Variants in PCMT1 observed in about 807,000 individuals in gnomAD.
PCMT1 encodes protein-L-isoaspartate(D-aspartate) O-methyltransferase.
In PCMT1, 9 loss-of-function variants were observed where a neutral mutation model predicts 29.2. That is an observed-to-expected ratio of 0.31 (90% CI 0.19 to 0.54). The LOEUF is 0.54. PCMT1 is among the 20% of genes least tolerant of loss of function. PCMT1 has a pLI of 0.95. For synonymous variants in PCMT1, 98 were observed against 97.5 expected (o/e 1.00, Z -0.03); for missense variants, 184 against 282.2 (o/e 0.65, Z 2.49).
rs1562398909 is a variant in PCMT1 at position 149,762,956 on chromosome 6, G to GATATATATGATATA, written c.56-8206_56-8205insATATATATGATATA. 7.3e-5 allele frequency among the ~76,000 whole-genome samples: 3 copies of GATATATATGATATA among 40,892 alleles called. 1 individual carries two copies. The South Asian group carries it at 2.2e-3, about 31-fold the overall frequency. The allele number at this position is 40,892 out of a possible 152,430, so 26.8% of individuals were successfully genotyped here. ...TATATGATATATATATCTATGATATGTATATCTATGATATATATGATATAT... is the reference window on the plus strand; with the variant it reads ...TATATGATATATATATCTATGATATGATATATATGATATATATATCTATGATATATATGATATAT... On this transcript the variant is annotated intron_variant, in intron 1 of 7. Transcript: ENST00000464889.
At chr6:149,791,471 A>T (rs1788371282) in intron 4 of PCMT1, among the ~76,000 whole-genome samples, 1 of 152,238 alleles carries the variant, frequency 6.6e-6, no homozygotes, top group Non-Finnish European at 1.5e-5. Context: ...GATTTGAGAA[A>T]TATCGTGCCT....
At chr6:149,809,453 A>C (rs1776105005) in intron 7 of PCMT1, among the ~76,000 whole-genome samples, 1 of 152,090 alleles carries the variant, frequency 6.6e-6, no homozygotes, top group Non-Finnish European at 1.5e-5. Context: ...ATTTGGAAGA[A>C]TATATTAAGA....
At chr6:149,789,066 A>ATGTT (rs1788240930) in intron 3 of PCMT1, among the ~76,000 whole-genome samples, 1 of 90,476 alleles carries the variant, frequency 1.1e-5, no homozygotes, top group African/African-American at 4.9e-5. Context: ...ATTGGATCTG[A>ATGTT]TTTTTTTTTT....
At position 149,790,143 on chromosome 6, in the gene PCMT1, GTTTA is replaced by G. The variant is rs1195967616; in HGVS notation, c.297+89_297+92del. 1.6e-5 allele frequency: 12 copies of G among 758,332 alleles called. No individual in the cohort carries two copies. The South Asian group carries it at 1.7e-4, about 11-fold the overall frequency. 47.0% of individuals were successfully genotyped at this position (758,332 alleles called of 1,614,324 possible). ...TGTTTTTTTAACTAGTGGTTTTCAT[GTTTA>G]TTTGTTTGTTAATTCTATTAGGATA... On this transcript the variant is annotated intron_variant, in intron 4 of 7. Transcript: ENST00000464889.
chr6:149,785,853 C>T, intron 3 of PCMT1, among the ~76,000 whole-genome samples: 1 of 152,250 alleles, frequency 6.6e-6, no homozygotes, highest in East Asian at 1.9e-4. Flanking sequence ...ATCTCTTCCC[C>T]ACCTTTCCCC....
Position 149,793,621 on chromosome 6 carries a change from A to T in PCMT1, c.370A>T (p.Arg124Trp). Residue 124 changes from arginine to tryptophan, a missense_variant, in exon 5 of 8, where the codon AGG (arginine) becomes TGG (tryptophan). By Grantham distance (101) the Arg-to-Trp change is moderately radical. Transcript: ENST00000464889. ...AGTAGATGACTCAGTAAATAATGTC[A>T]GGAAGGACGATCCAACACTTCTGTC... is the stretch of plus-strand genomic sequence containing the variant. ...ELVDDSVNNV[R>W]KDDPTLLSSG... The T allele has an allele frequency of 6.4e-7, 1 of 1,569,856 alleles. No individual in the cohort carries two copies. Among genetic ancestry groups the T allele is most frequent in the Non-Finnish European group, 8.6e-7 (1 of 1,166,502 alleles).
At chr6:149,791,933 A>G (rs1413068764) in intron 4 of PCMT1, among the ~76,000 whole-genome samples, 1 of 152,220 alleles carries the variant, frequency 6.6e-6, no homozygotes, top group East Asian at 1.9e-4. Context: ...TTTAAGCACT[A>G]GAGCCTGTGT....
chr6:149,808,883 G>A (rs545083457), intron 7 of PCMT1, among the ~76,000 whole-genome samples: 5 of 151,624 alleles, frequency 3.3e-5, no homozygotes, highest in East Asian at 2.0e-4. Flanking sequence ...TGATCCGCCC[G>A]CCTTGGCCTC....
intron 1 of PCMT1, among the ~76,000 whole-genome samples, chr6:149,761,594 C>T (rs1786742739): frequency 6.6e-6 from 1 of 152,158 alleles, no homozygotes; most frequent in Admixed American, 6.5e-5. Flanking sequence ...CTATCCCCTT[C>T]CTTCATATAG....
intron 7 of PCMT1, among the ~76,000 whole-genome samples, chr6:149,808,622 TGTA>T (rs886295868): frequency 6.6e-5 from 10 of 152,008 alleles, no homozygotes; most frequent in African/African-American, 9.7e-5. Flanking sequence ...GCAGGTAAAT[TGTA>T]GTAAATTATT....
intron 1 of PCMT1, among the ~76,000 whole-genome samples, chr6:149,751,772 G>A (rs574318954): frequency 7.9e-5 from 12 of 151,890 alleles, no homozygotes; most frequent in African/African-American, 2.7e-4. Context: ...GAGCCACCGC[G>A]CCAGGCCGGT....
At chr6:149,756,894 C>T (rs542489353) in intron 1 of PCMT1, among the ~76,000 whole-genome samples, 216 of 151,942 alleles carry the variant, frequency 1.4e-3, no homozygotes, top group African/African-American at 5.0e-3. Context: ...GTGGGTCATG[C>T]CTGTAATCCT....
chr6:149,807,715 T>C (rs535595517), intron 7 of PCMT1, among the ~76,000 whole-genome samples: 7 of 152,302 alleles, frequency 4.6e-5, no homozygotes, highest in African/African-American at 1.2e-4. Context: ...AATTGGTCCA[T>C]CTTTAGTTTG....
chr6:149,753,678 T>G (rs1786416091), intron 1 of PCMT1, among the ~76,000 whole-genome samples: 1 of 152,238 alleles, frequency 6.6e-6, no homozygotes, highest in Admixed American at 6.5e-5. Flanking sequence ...AAATGAAGCT[T>G]AATATAATTT....
intron 1 of PCMT1, among the ~76,000 whole-genome samples, chr6:149,751,545 G>A (rs1411048983): frequency 6.7e-6 from 1 of 148,548 alleles, no homozygotes; most frequent in African/African-American, 2.5e-5. Context: ...GCAATGGCGC[G>A]GTCTTAGCTC....
intron 1 of PCMT1, among the ~76,000 whole-genome samples, chr6:149,758,233 C>T (rs1194426055): frequency 1.8e-5 from 1 of 55,844 alleles, no homozygotes; most frequent in Admixed American, 2.9e-4. Context: ...TTTTCTGAGA[C>T]AGAGTCTTGC....
At chr6:149,783,885 G>A (rs559391419) in intron 3 of PCMT1, among the ~76,000 whole-genome samples, 4 of 152,230 alleles carry the variant, frequency 2.6e-5, no homozygotes, top group East Asian at 1.9e-4. Context: ...GTAGACATAC[G>A]GTCTCAACTG....
chr6:149,774,429 C>T lies in PCMT1; in HGVS notation c.192+1260C>T, dbSNP rs1252257287. On this transcript the variant is annotated intron_variant, in intron 3 of 7. Transcript: ENST00000464889. Reference sequence around the variant, plus strand: ...TTATGTTTTGTATTTTTAGTAGAGACGGGGCTTCACTATGTTGGCCAGGCT... The same window carrying T: ...TTATGTTTTGTATTTTTAGTAGAGATGGGGCTTCACTATGTTGGCCAGGCT... 6.0e-5 allele frequency among the ~76,000 whole-genome samples: 9 copies of T among 150,172 alleles called. No homozygotes were observed. In the South Asian group the frequency reaches 8.4e-4, roughly 14 times the overall value.
intron 1 of PCMT1, among the ~76,000 whole-genome samples, chr6:149,765,131 G>A (rs1276793294): frequency 2.7e-5 from 4 of 149,718 alleles, no homozygotes; most frequent in African/African-American, 4.9e-5. Flanking sequence ...AGGCCGAGGC[G>A]GGCGGATCCA....
Sources: gnomAD v4.1 joint callset for allele counts (sites outside exome capture counted in the v4.1 genomes callset) on GRCh38, gnomAD v4.1.1 for gene constraint, MANE v1.5 for transcripts, NCBI Gene and HGNC (gene_info 2026-07-23, HGNC 2026-07-21) for gene names.